Variants in MEF2C observed in about 807,000 individuals in gnomAD.
The protein encoded by MEF2C is myocyte-specific enhancer factor 2C.
A neutral mutation model predicts 50.5 loss-of-function variants in MEF2C; 6 were observed. That is an observed-to-expected ratio of 0.12 (90% CI 0.07 to 0.23). The LOEUF (loss-of-function observed/expected upper bound fraction) is 0.23. Among genes scored for constraint, MEF2C ranks in the 10% least tolerant of loss-of-function variants. The pLI is 1.00. For missense variants in MEF2C, 276 were observed against 605.0 expected, an observed-to-expected ratio of 0.46 and a Z score of 5.70; for synonymous variants, 183 against 228.0, an observed-to-expected ratio of 0.80 and a Z score of 1.78.
intron 1 of MEF2C, among the ~76,000 whole-genome samples, chr5:88,850,805 A>G (rs1047959784): frequency 6.6e-6 from 1 of 152,086 alleles, no homozygotes; most frequent in Non-Finnish European, 1.5e-5. Flanking sequence ...CCCACAGGTT[A>G]GAACTGAGAG....
chr5:88,734,963 G>A lies in MEF2C; in HGVS notation c.638-3062C>T, dbSNP rs934039213. The A allele has an allele frequency of 3.0e-6, 3 of 985,140 alleles. No homozygotes were observed. The South Asian group carries it at 1.4e-4, about 46-fold the overall frequency. The allele number at this position is 985,140 out of a possible 1,614,324, so 61.0% of individuals were successfully genotyped here. The stretch of plus-strand genomic sequence containing the variant: ...TTCTGCTTTTTGCTAGTGAATTTCT[G>A]CTGTTTTTAGCATATTGTGCCAGCT... On this transcript the variant is annotated intron_variant, in intron 6 of 10. Transcript: ENST00000504921.
rs192632605 is a variant in MEF2C at position 88,854,025 on chromosome 5, A to G, written c.-143+28930T>C. Among the ~76,000 whole-genome samples, 209 of 152,326 alleles carry G rather than the reference A, an allele frequency of 1.4e-3. 1 individual carries two copies. Among genetic ancestry groups the G allele is most frequent in the South Asian group, 2.9e-3 (14 of 4,820 alleles). On this transcript the variant is annotated intron_variant, in intron 1 of 10. Coordinates refer to ENST00000504921, the MANE Select transcript of MEF2C (RefSeq NM_002397.5). ...GGGCAAAATCTGAGGAAGAACTGTA[A>G]AATTATAATTTAGGAAAGAGGTGGA... is the stretch of plus-strand genomic sequence containing the variant.
chr5:88,734,267 C>T (rs1762924380), intron 6 of MEF2C: 1 of 985,220 alleles, frequency 1.0e-6, no homozygotes, highest in Non-Finnish European at 1.2e-6. Context: ...AGACATATGT[C>T]ACTTATCTAT....
intron 1 of MEF2C, among the ~76,000 whole-genome samples, chr5:88,899,153 T>G (rs1165520352): frequency 6.6e-6 from 1 of 152,172 alleles, no homozygotes; most frequent in East Asian, 1.9e-4. Context: ...AGAATGAGAC[T>G]TTTTGTATTA....
intron 4 of MEF2C, among the ~76,000 whole-genome samples, chr5:88,759,135 G>A (rs1776708821): frequency 6.6e-6 from 1 of 152,164 alleles, no homozygotes; most frequent in Non-Finnish European, 1.5e-5. Flanking sequence ...ATGCACAGCT[G>A]CTCCACACCA....
chr5:88,799,868 TCTC>T (rs1218329037), intron 3 of MEF2C, among the ~76,000 whole-genome samples: 12 of 95,132 alleles, frequency 1.3e-4, no homozygotes, highest in Non-Finnish European at 2.0e-4. Flanking sequence ...TCTCTCTCTC[TCTC>T]ACACACACAC....
intron 6 of MEF2C, chr5:88,735,844 T>C: frequency 1.0e-6 from 1 of 985,436 alleles, no homozygotes; most frequent in South Asian, 4.7e-5. Context: ...AGAGCTCACT[T>C]GAACATGTAG....
rs753431206 is a variant in MEF2C, at chr5:88,723,871, A to AT, written c.1101-947dup. On this transcript the variant is annotated intron_variant, in intron 10 of 10. Coordinates refer to ENST00000504921, the MANE Select transcript of MEF2C (RefSeq NM_002397.5). ...TCCTCATATATTCCCAGAGAGAATA[A>AT]TTTTTCCTTTTTCCAAAATCTGGGA... is the stretch of plus-strand genomic sequence containing the variant. Among the ~76,000 whole-genome samples the AT allele has an allele frequency of 2.9e-4, 44 of 152,316 alleles. 1 individual carries two copies. Among genetic ancestry groups the AT allele is most frequent in the Admixed American group, 1.6e-3 (24 of 15,298 alleles).
intron 2 of MEF2C, among the ~76,000 whole-genome samples, chr5:88,821,679 T>G (rs1278815490): frequency 2.6e-5 from 4 of 151,844 alleles, no homozygotes; most frequent in Non-Finnish European, 5.9e-5. Flanking sequence ...TTCTCACTCG[T>G]GTGGGAGCTA....
At chr5:88,729,919 T>C (rs1186260006) in intron 8 of MEF2C, among the ~76,000 whole-genome samples, 4 of 152,152 alleles carry the variant, frequency 2.6e-5, no homozygotes, top group African/African-American at 4.8e-5. Context: ...TCATGAGACT[T>C]TAATTCCCAG....
chr5:88,751,759 G>GA (rs751391167), intron 5 of MEF2C, 98 bp downstream of exon 5: 75 of 1,354,116 alleles, frequency 5.5e-5, no homozygotes, highest in Non-Finnish European at 7.4e-5. Flanking sequence ...AGAGTAAGTG[G>GA]AAAACCAGAA....
chr5:88,808,856 T>C (rs1184223753), intron 2 of MEF2C, among the ~76,000 whole-genome samples: 1 of 152,090 alleles, frequency 6.6e-6, no homozygotes, highest in Admixed American at 6.6e-5. Context: ...CTTGTGATGG[T>C]TACATTTTTC....
intron 1 of MEF2C, among the ~76,000 whole-genome samples, chr5:88,901,645 G>A (rs1156307853): frequency 2.6e-5 from 4 of 151,922 alleles, no homozygotes; most frequent in African/African-American, 9.7e-5. Flanking sequence ...TAGAGCAGGT[G>A]TAAATCAATG....
intron 1 of MEF2C, among the ~76,000 whole-genome samples, chr5:88,868,709 A>G (rs1447780803): frequency 1.3e-5 from 2 of 152,180 alleles, no homozygotes; most frequent in Non-Finnish European, 2.9e-5. Flanking sequence ...TTCACCACCT[A>G]TGATTCTTGG....
chr5:88,769,688 A>T (rs1450417267), intron 3 of MEF2C, among the ~76,000 whole-genome samples: 1 of 152,222 alleles, frequency 6.6e-6, no homozygotes, highest in Non-Finnish European at 1.5e-5. Context: ...TCTGTCACCC[A>T]GGCTGGAGTG....
intron 1 of MEF2C, among the ~76,000 whole-genome samples, chr5:88,890,487 GATAAA>G (rs1834419370): frequency 6.6e-6 from 1 of 152,094 alleles, no homozygotes; most frequent in African/African-American, 2.4e-5. Context: ...ATTAAAATAA[GATAAA>G]ATAAAAATAA....
At chr5:88,770,747 C>T (rs1337118089) in intron 3 of MEF2C, among the ~76,000 whole-genome samples, 1 of 152,174 alleles carries the variant, frequency 6.6e-6, no homozygotes, top group East Asian at 1.9e-4. Flanking sequence ...TGTTTTTGGA[C>T]TCCCACCTTC....
chr5:88,840,068 A>G (rs1302019419), intron 1 of MEF2C, among the ~76,000 whole-genome samples: 1 of 152,208 alleles, frequency 6.6e-6, no homozygotes, highest in Non-Finnish European at 1.5e-5. Flanking sequence ...ATGCAAGGTC[A>G]TATCATTTTT....
chr5:88,899,594 C>CT lies in MEF2C; in HGVS notation c.-240+4321dup, dbSNP rs567277899. On this transcript the variant is annotated intron_variant, in intron 1 of 11. Coordinates refer to the MEF2C transcript ENST00000340208. ...GCTCTGGTGCTCTTTGAAGAACACT[C>CT]TTTAACTCTAATGAGGAAGCCTCTA... 2.7e-4 allele frequency among the ~76,000 whole-genome samples: 41 copies of CT among 152,222 alleles called. 1 individual carries two copies. The South Asian group carries it at 7.5e-3, about 28-fold the overall frequency.
Sources: allele counts gnomAD v4.1 joint callset (sites outside exome capture counted in the v4.1 genomes callset), GRCh38; gene constraint gnomAD v4.1.1; transcripts MANE v1.5; gene names NCBI Gene and HGNC (gene_info 2026-07-23, HGNC 2026-07-21).